HELQ: variants seen among roughly 807,000 people sequenced by gnomAD.
HELQ encodes helicase, POLQ like.
Under a neutral mutation model 111.6 loss-of-function variants are expected in HELQ, and 77 were observed. The observed-to-expected ratio is 0.69, with a 90% confidence interval of 0.57 to 0.83. The LOEUF (loss-of-function observed/expected upper bound fraction) is 0.83. Among genes scored for constraint, HELQ ranks in the 40% least tolerant of loss-of-function variants. HELQ has a pLI of 0.00. For synonymous variants in HELQ, 438 were observed against 454.7 expected (o/e 0.96, Z 0.47); for missense variants, 1,200 against 1,288.5 (o/e 0.93, Z 1.05).
Position 83,448,957 on chromosome 4 carries a change from C to T in HELQ, c.1017G>A (p.Trp339Ter), listed in dbSNP as rs563330991. 2 of 1,554,196 alleles carry T rather than the reference C, an allele frequency of 1.3e-6. No homozygotes were observed. Among genetic ancestry groups the T allele is most frequent in the African/African-American group, 3.0e-5 (2 of 65,612 alleles). ...QFKGIEKLYE[W>*]QHTCLTLNSV... Reference sequence around the variant, plus strand: ...AATTCAATGTTAAACAAGTATGTTGCCATTCTGTGGAATTAAAAAAAAAAA... The same window carrying T: ...AATTCAATGTTAAACAAGTATGTTGTCATTCTGTGGAATTAAAAAAAAAAA... Residue 339 changes from tryptophan to a stop codon, truncating the protein, a stop_gained, in exon 3 of 18, where the codon TGG (tryptophan) becomes TGA (stop). Coordinates refer to ENST00000295488, the MANE Select transcript of HELQ (RefSeq NM_133636.5). LOFTEE classifies it high-confidence loss of function.
intron 16 of HELQ, among the ~76,000 whole-genome samples, 167 bp downstream of exon 16, chr4:83,417,926 T>C (rs944503537): frequency 3.3e-5 from 5 of 152,148 alleles, no homozygotes; most frequent in Admixed American, 6.5e-5. Context: ...AGCGGATTTC[T>C]GGAAGGCCAT....
Position 83,433,616 on chromosome 4 carries a change from A to C in HELQ, c.2049-1349T>G, listed in dbSNP as rs1418595568. 1.1e-4 allele frequency among the ~76,000 whole-genome samples: 15 copies of C among 142,374 alleles called. No homozygotes were observed. The Admixed American group carries it at 1.1e-3, about 10-fold the overall frequency. 93.4% of individuals were successfully genotyped at this position (142,374 alleles called of 152,430 possible). A position where few individuals can be genotyped will look rare whatever the true frequency, so the allele number is the denominator to read the frequency against. On this transcript the variant is annotated intron_variant, in intron 9 of 17. Coordinates refer to ENST00000295488, the MANE Select transcript of HELQ (RefSeq NM_133636.5). ...AGGAGGCGGAGCTTGCAGTGAGCGG[A>C]GATTGCGCCACTGCACTCCAGCCTG...
At chr4:83,407,951 T>G (rs17006798) in intron 17 of HELQ, among the ~76,000 whole-genome samples, 4,712 of 152,274 alleles carry the variant, frequency 0.031, 253 homozygotes, top group African/African-American at 0.11. Flanking sequence ...TCCTCAAAAT[T>G]TAGTATGCTT....
intron 1 of HELQ, among the ~76,000 whole-genome samples, chr4:83,454,815 T>G (rs1256058529): frequency 6.6e-6 from 1 of 152,154 alleles, no homozygotes; most frequent in Non-Finnish European, 1.5e-5. Flanking sequence ...TTCTGATAAC[T>G]GCAGCGCTTC....
chr4:83,447,072 GC>G (rs1560556853), intron 3 of HELQ, 37 bp from the exon 4 acceptor site: 11 of 1,420,988 alleles, frequency 7.7e-6, no homozygotes, highest in Non-Finnish European at 1.1e-5. Context: ...AATTGGCCAG[GC>G]ATTGTGGCCA....
Position 83,455,510 on chromosome 4 carries a change from C to T in HELQ, c.184G>A (p.Glu62Lys). Residue 62 changes from glutamate to lysine, a missense_variant, in exon 1 of 18, where the codon GAG becomes AAG. This residue lies in a region of HELQ where 610 missense variants were observed against 607.1 expected (regional missense o/e 1.00). Coordinates refer to ENST00000295488, the MANE Select transcript of HELQ (RefSeq NM_133636.5). ...RRKTAGVLPV[E>K]VQPLLLSDSP... ...TCTGAGAGTAGAAGGGGCTGTACCT[C>T]AACCGGCAGTACGCCCGCGGTTTTC... 6.2e-7 allele frequency: 1 copy of T among 1,614,114 alleles called. No individual in the cohort carries two copies. The highest frequency in any genetic ancestry group is 8.5e-7 in the Non-Finnish European group (1 of 1,180,030).
intron 6 of HELQ, 32 bp from the exon 7 acceptor site, chr4:83,441,435 G>A (rs114619599): frequency 0.02 from 19,716 of 978,130 alleles, 237 homozygotes; most frequent in Non-Finnish European, 0.025. Context: ...CAATTAATAC[G>A]ACATATAAAT....
chr4:83,448,067 A>G (rs1306690706), intron 3 of HELQ, among the ~76,000 whole-genome samples: 3 of 151,614 alleles, frequency 2.0e-5, no homozygotes, highest in Admixed American at 2.0e-4. Context: ...AAAATTAGCC[A>G]GGCATGGTGG....
Position 83,455,795 on chromosome 4 carries a change from C to A in HELQ, c.-102G>T, listed in dbSNP as rs1721763655. The A allele has an allele frequency of 1.6e-6, 2 of 1,213,486 alleles. No individual in the cohort carries two copies. The highest frequency in any genetic ancestry group is 2.1e-5 in the Admixed American group (1 of 48,290). 75.2% of individuals were successfully genotyped at this position (1,213,486 alleles called of 1,614,324 possible). A position where few individuals can be genotyped will look rare whatever the true frequency, so the allele number is the denominator to read the frequency against. ...ACGCCGGAGCCCGCTTCTACATCCA[C>A]CTTGGGAAAAGACCCCAAGTTAGCT... On this transcript the variant is annotated 5_prime_UTR_variant, in exon 1 of 18. Transcript: ENST00000295488.
rs375565142 is a variant in HELQ at position 83,442,575 on chromosome 4, C to A, written c.1563+942G>T. Among the ~76,000 whole-genome samples, 3 of 151,438 alleles carry A rather than the reference C, an allele frequency of 2.0e-5. No homozygotes were observed. In the East Asian group the frequency reaches 5.8e-4, roughly 29 times the overall value. On this transcript the variant is annotated intron_variant, in intron 6 of 17. Transcript: ENST00000295488. ...TACAGGCGTGCGTCACCATGCCCTGCTAATTTTTGTATTTTTTAGTAGAGT... is the reference window on the plus strand; with the variant it reads ...TACAGGCGTGCGTCACCATGCCCTGATAATTTTTGTATTTTTTAGTAGAGT...
chr4:83,449,767 G>A (rs1049896306), intron 2 of HELQ, among the ~76,000 whole-genome samples: 9 of 151,850 alleles, frequency 5.9e-5, no homozygotes, highest in Non-Finnish European at 1.2e-4. Flanking sequence ...TGGCCAATAA[G>A]CAGCAGAAAT....
chr4:83,432,371 C>T, intron 9 of HELQ, 104 bp from the exon 10 acceptor site: 1 of 772,668 alleles, frequency 1.3e-6, no homozygotes, highest in Non-Finnish European at 1.8e-6. Context: ...GACATACTAA[C>T]ACAAAATAAT....
chr4:83,428,312 G>GT (rs111926706), intron 12 of HELQ, among the ~76,000 whole-genome samples: 311 of 144,590 alleles, frequency 2.2e-3, no homozygotes, highest in African/African-American at 2.7e-3. Flanking sequence ...GAGTTCTTAG[G>GT]TTTTTTTTTT....
In HELQ at chr4:83,446,001, A is replaced by C; in HGVS notation, c.1465+13T>G. On this transcript the variant is annotated intron_variant, in intron 5 of 17. Coordinates refer to ENST00000295488, the MANE Select transcript of HELQ (RefSeq NM_133636.5). ...ATAAATCAATTCATGACCTCATTTG[A>C]AAAAATACTTACTGCTAGTGTAGAG... 6.4e-7 allele frequency: 1 copy of C among 1,554,034 alleles called. No individual in the cohort carries two copies. Among genetic ancestry groups the C allele is most frequent in the Non-Finnish European group, 8.9e-7 (1 of 1,126,518 alleles).
intron 17 of HELQ, among the ~76,000 whole-genome samples, chr4:83,410,872 T>C (rs962880771): frequency 4.0e-5 from 6 of 151,534 alleles, no homozygotes; most frequent in Non-Finnish European, 8.8e-5. Context: ...CAAGCTAGGA[T>C]AGGCAAGGTG....
chr4:83,454,776 G>C (rs1049151865), intron 1 of HELQ, among the ~76,000 whole-genome samples: 2 of 152,034 alleles, frequency 1.3e-5, no homozygotes, highest in Admixed American at 6.5e-5. Context: ...ACTGGTAGAC[G>C]TCTACTGAAA....
At chr4:83,414,577 A>G (rs1739267970) in intron 17 of HELQ, among the ~76,000 whole-genome samples, 1 of 152,210 alleles carries the variant, frequency 6.6e-6, no homozygotes, top group African/African-American at 2.4e-5. Flanking sequence ...AGGGGCTTCC[A>G]CTGGCCAAAT....
At chr4:83,415,530 C>T (rs1191606740) in intron 17 of HELQ, among the ~76,000 whole-genome samples, 1 of 152,042 alleles carries the variant, frequency 6.6e-6, no homozygotes, top group African/African-American at 2.4e-5. Flanking sequence ...GGTGGAGAGA[C>T]CAGATGCTGG....
At chr4:83,447,102 C>CCTTGGG (rs1416970205) in intron 3 of HELQ, 67 bp from the exon 4 acceptor site, 1 of 898,054 alleles carries the variant, frequency 1.1e-6, no homozygotes, top group African/African-American at 1.7e-5. Flanking sequence ...AATCCCAGTA[C>CCTTGGG]CTTGGGAGGC....
Sources: allele counts gnomAD v4.1 joint callset (sites outside exome capture counted in the v4.1 genomes callset), GRCh38; gene constraint gnomAD v4.1.1; regional missense constraint gnomAD v4.1.1; transcripts MANE v1.5; gene names NCBI Gene and HGNC (gene_info 2026-07-23, HGNC 2026-07-21).